The following ADAMTS20 variants were observed in gnomAD, a reference collection of about 807,000 sequenced individuals.
ADAMTS20 encodes the protein ADAM metallopeptidase with thrombospondin type 1 motif 20, also known as A disintegrin and metalloproteinase with thrombospondin motifs 20.
Under a neutral mutation model 260.1 loss-of-function variants are expected in ADAMTS20, and 225 were observed. The ratio of observed to expected loss-of-function variants is 0.87; its 90% CI spans 0.78 to 0.97. ADAMTS20 has a LOEUF of 0.97. Among genes scored for constraint, ADAMTS20 ranks in the 50% least tolerant of loss-of-function variants. The probability of loss-of-function intolerance (pLI) is 0.00; values close to 1 mark genes in which losing one functional copy is unlikely to be tolerated. For synonymous variants in ADAMTS20, 802 were observed against 769.5 expected (o/e 1.04, Z -0.70); for missense variants, 2,400 against 2,337.7 (o/e 1.03, Z -0.55).
intron 3 of ADAMTS20, among the ~76,000 whole-genome samples, chr12:43,528,347 G>GAAAAAAAAAAAAAA (rs1565583137): frequency 7.8e-3 from 18 of 2,308 alleles, no homozygotes; most frequent in African/African-American, 0.014. Context: ...GCAATCCTAA[G>GAAAAAAAAAAAAAA]CAAAAAAAAA....
chr12:43,505,577 C>T (rs185018018), intron 3 of ADAMTS20, among the ~76,000 whole-genome samples: 1 of 152,240 alleles, frequency 6.6e-6, no homozygotes, highest in East Asian at 1.9e-4. Context: ...ATCAAAACCA[C>T]AATATCACTT....
rs149509578 is a variant in ADAMTS20 at position 43,485,839 on chromosome 12, T to A, written c.1117+4556A>T. Reference sequence around the variant, plus strand: ...TTTACAACAGCTGCAAAAAATAAAATAAAATACCTAGGAATACACTTAACC... The same window carrying A: ...TTTACAACAGCTGCAAAAAATAAAAAAAAATACCTAGGAATACACTTAACC... On this transcript the variant is annotated intron_variant, in intron 7 of 38. Coordinates refer to ENST00000389420, the MANE Select transcript of ADAMTS20 (RefSeq NM_025003.5). Among the ~76,000 whole-genome samples the A allele has an allele frequency of 8.5e-4, 129 of 151,744 alleles. 1 individual carries two copies. In the East Asian group the frequency reaches 0.023, roughly 27 times the overall value.
chr12:43,401,347 AG>A (rs1466801039), intron 28 of ADAMTS20, among the ~76,000 whole-genome samples: 3 of 151,950 alleles, frequency 2.0e-5, no homozygotes, highest in African/African-American at 7.2e-5. Flanking sequence ...AGAATCAGCC[AG>A]TAAATATACA....
Position 43,399,111 on chromosome 12 carries a change from A to G in ADAMTS20, c.4407T>C (p.Cys1469=). ...QVQKPPTHKA[C]RSVRCPSWKA... The stretch of plus-strand genomic sequence containing the variant: ...TCCATGAAGGGCATCTGACAGATCT[A>G]CAGGCTTTGTGAGTTGGAGGTTTCT... Residue 1469 remains cysteine, a synonymous_variant, in exon 29 of 39, where the codon TGT becomes TGC. Coordinates refer to ENST00000389420, the MANE Select transcript of ADAMTS20 (RefSeq NM_025003.5). 2 of 1,549,608 alleles carry G rather than the reference A, an allele frequency of 1.3e-6. No individual in the cohort carries two copies. Among genetic ancestry groups the G allele is most frequent in the Non-Finnish European group, 1.7e-6 (2 of 1,145,604 alleles).
rs1032184954 is a variant in ADAMTS20 at position 43,471,045 on chromosome 12, G to C, written c.1118-2340C>G. 5.3e-5 allele frequency among the ~76,000 whole-genome samples: 8 copies of C among 152,222 alleles called. No individual in the cohort carries two copies. The South Asian group carries it at 1.2e-3, about 24-fold the overall frequency. ...TCCCAGCGTGAGCGACGCAGAAGAC[G>C]GGTGATTTCTGCATTTCCATCTGAG... On this transcript the variant is annotated intron_variant, in intron 7 of 38. Coordinates refer to ENST00000389420, the MANE Select transcript of ADAMTS20 (RefSeq NM_025003.5).
At chr12:43,550,269 G>T (rs1309347638) in intron 2 of ADAMTS20, among the ~76,000 whole-genome samples, 12 of 152,142 alleles carry the variant, frequency 7.9e-5, no homozygotes, top group Non-Finnish European at 2.9e-5. Context: ...TCACATTATG[G>T]TTGGTGTAGC....
chr12:43,358,572 C>T (rs574678781), intron 37 of ADAMTS20, among the ~76,000 whole-genome samples: 1 of 152,002 alleles, frequency 6.6e-6, no homozygotes, highest in South Asian at 2.1e-4. Flanking sequence ...GGCGCGGTGG[C>T]TCACGCCTGT....
intron 2 of ADAMTS20, among the ~76,000 whole-genome samples, chr12:43,538,004 C>A (rs988824381): frequency 2.6e-5 from 4 of 152,160 alleles, no homozygotes; most frequent in African/African-American, 9.7e-5. Flanking sequence ...TCTTCAATAT[C>A]CTGATTTCCT....
At chr12:43,480,910 G>A (rs1174746720) in intron 7 of ADAMTS20, among the ~76,000 whole-genome samples, 1 of 151,864 alleles carries the variant, frequency 6.6e-6, no homozygotes, top group South Asian at 2.1e-4. Flanking sequence ...GCACAGGAGG[G>A]TGACTATAGT....
At chr12:43,475,497 G>A (rs1337165858) in intron 7 of ADAMTS20, among the ~76,000 whole-genome samples, 1 of 149,344 alleles carries the variant, frequency 6.7e-6, no homozygotes, top group African/African-American at 2.5e-5. Flanking sequence ...CTACTTTAAA[G>A]TTCATATGGA....
In ADAMTS20 at chr12:43,452,692, T is replaced by C; in HGVS notation, c.1764A>G (p.Pro588=). ...CCACACAGTAATTTCCTCCGTTTCT[T>C]GGCCTAGTCAAATTCATTACATTTT... ...SATRRCNRPE[P]RNGGNYCVGR... is the part of the protein sequence containing the mutation. Residue 588 remains proline, a synonymous_variant, in exon 13 of 39, where the codon CCA becomes CCG. Transcript: ENST00000389420. The C allele has an allele frequency of 6.3e-7, 1 of 1,599,998 alleles. No homozygotes were observed. Among genetic ancestry groups the C allele is most frequent in the South Asian group, 1.1e-5 (1 of 89,820 alleles).
Position 43,468,582 on chromosome 12 carries a change from G to A in ADAMTS20, c.1223+18C>T, listed in dbSNP as rs528180810. The stretch of plus-strand genomic sequence containing the variant: ...GATAAATAGAATGCACATTAAGGAG[G>A]TGACAGAAGGTACTTACGTGTGCCC... On this transcript the variant is annotated intron_variant, in intron 8 of 38. Coordinates refer to ENST00000389420, the MANE Select transcript of ADAMTS20 (RefSeq NM_025003.5). 8 of 1,454,804 alleles carry A rather than the reference G, an allele frequency of 5.5e-6. No individual in the cohort carries two copies. The East Asian group carries it at 1.6e-4, about 29-fold the overall frequency. The allele number at this position is 1,454,804 out of a possible 1,614,324, so 90.1% of individuals were successfully genotyped here.
intron 21 of ADAMTS20, 117 bp downstream of exon 21, chr12:43,432,187 G>T: frequency 1.7e-6 from 2 of 1,172,104 alleles, no homozygotes; most frequent in Non-Finnish European, 2.4e-6. Context: ...TTTGATAATA[G>T]TTATTTACAA....
At chr12:43,373,083 A>G (rs1402993546) in intron 36 of ADAMTS20, among the ~76,000 whole-genome samples, 1 of 152,258 alleles carries the variant, frequency 6.6e-6, no homozygotes, top group African/African-American at 2.4e-5. Context: ...GGTATCAGTC[A>G]GAAGGGCTGT....
Position 43,428,423 on chromosome 12 carries a change from C to T in ADAMTS20, c.3763G>A (p.Glu1255Lys), listed in dbSNP as rs1941375485. The change falls in exon 26 of 39, where the codon GAA (glutamate) becomes AAA (lysine). Residue 1255 changes from glutamate to lysine, a missense_variant. Coordinates refer to ENST00000389420, the MANE Select transcript of ADAMTS20 (RefSeq NM_025003.5). ...YCDPEVRPLM[E>K]QECSLAACPP... ...CAGGCTGCCAGGCTACATTCCTGTT[C>T]CATCAAAGGGCGAACTTCAGGATCA... 1 of 1,613,826 alleles carries T rather than the reference C, an allele frequency of 6.2e-7. No homozygotes were observed.
intron 18 of ADAMTS20, among the ~76,000 whole-genome samples, chr12:43,436,326 A>G (rs1265690722): frequency 6.6e-6 from 1 of 152,184 alleles, no homozygotes; most frequent in Non-Finnish European, 1.5e-5. Context: ...ATTGAAAAGT[A>G]TTTTAAAAGA....
chr12:43,514,950 C>T (rs1239636262), intron 3 of ADAMTS20, among the ~76,000 whole-genome samples: 1 of 152,176 alleles, frequency 6.6e-6, no homozygotes, highest in Admixed American at 6.5e-5. Context: ...TATTAAAATT[C>T]ACAGTAATAC....
At chr12:43,416,399 T>C (rs1941130205) in intron 28 of ADAMTS20, among the ~76,000 whole-genome samples, 1 of 152,186 alleles carries the variant, frequency 6.6e-6, no homozygotes. Flanking sequence ...TAAAATTTCT[T>C]AGGCATGATC....
chr12:43,500,463 T>G (rs1322780762), intron 4 of ADAMTS20, among the ~76,000 whole-genome samples: 1 of 152,214 alleles, frequency 6.6e-6, no homozygotes, highest in African/African-American at 2.4e-5. Context: ...TAGAATCCCT[T>G]CATAATTTAG....
Sources: gnomAD v4.1 joint callset for allele counts (sites outside exome capture counted in the v4.1 genomes callset) on GRCh38, gnomAD v4.1.1 for gene constraint, MANE v1.5 for transcripts, NCBI Gene and HGNC (gene_info 2026-07-23, HGNC 2026-07-21) for gene names.